The following MICAL2 variants were observed in gnomAD, a reference collection of about 807,000 sequenced individuals.
MICAL2 encodes the protein microtubule associated monooxygenase, calponin and LIM domain containing 2, also known as [F-actin]-monooxygenase MICAL2.
MICAL2 carries 77 observed loss-of-function variants against 127.3 expected under a neutral mutation model. The observed-to-expected ratio is 0.60, with a 90% CI of 0.50 to 0.73. The LOEUF (loss-of-function observed/expected upper bound fraction) is 0.73, where lower values mean the gene tolerates loss of function less well. Ranked by LOEUF, MICAL2 falls within the 30% of genes least tolerant of loss-of-function variation. The pLI is 0.00. For synonymous variants in MICAL2, 570 were observed against 551.1 expected, an observed-to-expected ratio of 1.03 and a Z score of -0.48; for missense variants, 1,351 against 1,434.4, an observed-to-expected ratio of 0.94 and a Z score of 0.94.
intron 29 of MICAL2, among the ~76,000 whole-genome samples, chr11:12,305,072 C>G (rs1398317936): frequency 2.0e-5 from 3 of 152,054 alleles, no homozygotes; most frequent in Non-Finnish European, 4.4e-5. Flanking sequence ...TTCCAAGACC[C>G]CCAGTGGATA....
upstream of MICAL2, among the ~76,000 whole-genome samples, chr11:12,272,908 G>A (rs541564033): frequency 6.6e-6 from 1 of 152,290 alleles, no homozygotes; most frequent in African/African-American, 2.4e-5. Context: ...TCCCATCCAC[G>A]AGTTACCACA....
At chr11:12,215,360 G>A (rs1241235984) in intron 7 of MICAL2, among the ~76,000 whole-genome samples, 1 of 152,180 alleles carries the variant, frequency 6.6e-6, no homozygotes, top group Non-Finnish European at 1.5e-5. Flanking sequence ...TGGTTACCCA[G>A]CACGCCTTGT....
At chr11:12,149,293 T>C (rs566685960) in intron 2 of MICAL2, among the ~76,000 whole-genome samples, 7 of 152,226 alleles carry the variant, frequency 4.6e-5, no homozygotes, top group African/African-American at 1.7e-4. Flanking sequence ...TAGGGCTGGA[T>C]CACGAAGGTA....
At chr11:12,195,234 G>T (rs1327869955) in intron 3 of MICAL2, among the ~76,000 whole-genome samples, 1 of 152,202 alleles carries the variant, frequency 6.6e-6, no homozygotes, top group East Asian at 1.9e-4. Context: ...TCCAGCCTGG[G>T]CTACAGAGCA....
downstream of MICAL2, among the ~76,000 whole-genome samples, chr11:12,267,317 C>G (rs1324047975): frequency 6.6e-6 from 1 of 152,192 alleles, no homozygotes; most frequent in Non-Finnish European, 1.5e-5. Flanking sequence ...GCTGATTTTC[C>G]CCCAAAACAG....
At chr11:12,293,893 G>A (rs1392334711), downstream of MICAL2, 2 of 1,611,086 alleles carry the variant, frequency 1.2e-6, no homozygotes, top group Non-Finnish European at 1.7e-6. Context: ...GAGAAGACCG[G>A]GAAAAAGGGA....
intron 1 of MICAL2, among the ~76,000 whole-genome samples, chr11:12,126,880 G>A (rs1202715784): frequency 1.3e-5 from 2 of 152,226 alleles, no homozygotes; most frequent in East Asian, 1.9e-4. Flanking sequence ...CCTGGAGGAG[G>A]GAGCAGAGGT....
chr11:12,213,233 T>C, intron 6 of MICAL2, 22 bp from the exon 7 acceptor site: 1 of 1,584,464 alleles, frequency 6.3e-7, no homozygotes, highest in East Asian at 2.3e-5. Flanking sequence ...ATAGACCCAC[T>C]TTTTCATTTC....
At chr11:12,335,635 G>A (rs868260570) in intron 32 of MICAL2, among the ~76,000 whole-genome samples, 30 of 152,278 alleles carry the variant, frequency 2.0e-4, no homozygotes, top group African/African-American at 7.0e-4. Flanking sequence ...TTTGTATAAG[G>A]TGTAAGGAAG....
chr11:12,144,070 A>C (rs1344244211), intron 2 of MICAL2, among the ~76,000 whole-genome samples: 1 of 152,166 alleles, frequency 6.6e-6, no homozygotes, highest in Non-Finnish European at 1.5e-5. Flanking sequence ...TTGAACTTTG[A>C]GCCTGAATTG....
chr11:12,114,367 C>T (rs966660769), intron 1 of MICAL2, among the ~76,000 whole-genome samples: 1 of 152,252 alleles, frequency 6.6e-6, no homozygotes, highest in Non-Finnish European at 1.5e-5. Flanking sequence ...ACCTGTCCAC[C>T]TGCAGATATC....
At chr11:12,118,450 T>C (rs1850225459) in intron 1 of MICAL2, among the ~76,000 whole-genome samples, 1 of 152,152 alleles carries the variant, frequency 6.6e-6, no homozygotes, top group Non-Finnish European at 1.5e-5. Flanking sequence ...TCCTGCGGCC[T>C]GCTGAAGAAG....
At chr11:12,185,173 G>GGGGA (rs1858048860) in intron 3 of MICAL2, among the ~76,000 whole-genome samples, 1 of 48,504 alleles carries the variant, frequency 2.1e-5, no homozygotes, top group Non-Finnish European at 4.0e-5. Context: ...GAATGGGTGG[G>GGGGA]TGGCTGGATG....
intron 3 of MICAL2, among the ~76,000 whole-genome samples, chr11:12,174,512 T>C (rs1197293705): frequency 2.0e-5 from 3 of 152,238 alleles, no homozygotes; most frequent in Admixed American, 6.5e-5. Flanking sequence ...TATGCCAGAA[T>C]TTCCTTCTTT....
intron 8 of MICAL2, among the ~76,000 whole-genome samples, chr11:12,218,500 T>C (rs1356727836): frequency 6.6e-6 from 1 of 152,236 alleles, no homozygotes; most frequent in Non-Finnish European, 1.5e-5. Context: ...CTTCACTGTG[T>C]AATGTCACCC....
intron 2 of MICAL2, among the ~76,000 whole-genome samples, chr11:12,156,799 G>A (rs1565057423): frequency 6.6e-6 from 1 of 152,236 alleles, no homozygotes; most frequent in Admixed American, 6.5e-5. Context: ...CTCATCTCAG[G>A]TGTTGGATTC....
At chr11:12,329,607 A>G (rs1365518369) in intron 32 of MICAL2, among the ~76,000 whole-genome samples, 1 of 152,202 alleles carries the variant, frequency 6.6e-6, no homozygotes, top group Non-Finnish European at 1.5e-5. Context: ...TTTTATCTGA[A>G]AAGTGAAGAT....
intron 8 of MICAL2, among the ~76,000 whole-genome samples, chr11:12,216,674 T>C: frequency 6.6e-6 from 1 of 152,186 alleles, no homozygotes; most frequent in East Asian, 1.9e-4. Context: ...TAATGAGACA[T>C]AGGCATCCTT....
intron 32 of MICAL2, among the ~76,000 whole-genome samples, chr11:12,337,134 T>G (rs1938778363): frequency 6.6e-6 from 1 of 152,242 alleles, no homozygotes; most frequent in South Asian, 2.1e-4. Context: ...TTTCAGAGCC[T>G]GTTATTGGTC....
Sources: allele counts gnomAD v4.1 joint callset (sites outside exome capture counted in the v4.1 genomes callset), GRCh38; gene constraint gnomAD v4.1.1; transcripts MANE v1.5; gene names NCBI Gene and HGNC (gene_info 2026-07-23, HGNC 2026-07-21).